Variants in MED26 observed in about 807,000 individuals in gnomAD.
MED26 encodes the protein mediator complex subunit 26, also known as mediator of RNA polymerase II transcription subunit 26.
In MED26, 7 loss-of-function variants were observed where a neutral mutation model predicts 43.7. That is an observed-to-expected ratio of 0.16 (90% CI 0.09 to 0.30). The LOEUF (loss-of-function observed/expected upper bound fraction) is 0.30, where lower values mean the gene tolerates loss of function less well. Ranked by LOEUF, MED26 falls within the 10% of genes least tolerant of loss-of-function variation. The pLI is 1.00. For synonymous variants in MED26, 375 were observed against 371.1 expected, an observed-to-expected ratio of 1.01 and a Z score of -0.12; for missense variants, 784 against 840.6, an observed-to-expected ratio of 0.93 and a Z score of 0.83.
chr19:16,612,780 G>A (rs911617126), intron 1 of MED26, among the ~76,000 whole-genome samples: 1 of 152,226 alleles, frequency 6.6e-6, no homozygotes, highest in South Asian at 2.1e-4. Flanking sequence ...CCAAGGAAGA[G>A]GCTCTGGACC....
intron 1 of MED26, among the ~76,000 whole-genome samples, chr19:16,598,272 G>C (rs1417808483): frequency 1.3e-5 from 2 of 149,354 alleles, no homozygotes; most frequent in Non-Finnish European, 3.0e-5. Flanking sequence ...GGGAGGCGCA[G>C]GCTGCAGTGA....
chr19:16,608,749 A>G (rs1016833218), intron 1 of MED26, among the ~76,000 whole-genome samples: 2 of 152,246 alleles, frequency 1.3e-5, no homozygotes, highest in African/African-American at 4.8e-5. Flanking sequence ...TGTGCTACAA[A>G]GATAGCAGTA....
At position 16,577,156 on chromosome 19, in the gene MED26, G is replaced by A; in HGVS notation, c.674C>T (p.Ala225Val). 1 of 1,613,344 alleles carries A rather than the reference G, an allele frequency of 6.2e-7. No individual in the cohort carries two copies. The highest frequency in any genetic ancestry group is 8.5e-7 in the Non-Finnish European group (1 of 1,179,930). Residue 225 changes from alanine (A) to valine (V), a missense_variant, in exon 3 of 3, where the codon GCC becomes GTC. Coordinates refer to ENST00000263390, the MANE Select transcript of MED26 (RefSeq NM_004831.5). This position sits in a 1 kb window ranked among gnomAD's most constrained non-coding sequence, Gnocchi z 8.1. ...DKHSGKIPVN[A>V]VRPHTSSPGL... ...CGGGGAGCTGGTGTGCGGTCGCACG[G>A]CGTTGACGGGGATCTTGCCACTGTG...
chr19:16,602,724 G>T (rs1323035932), intron 1 of MED26, among the ~76,000 whole-genome samples: 2 of 152,216 alleles, frequency 1.3e-5, no homozygotes, highest in African/African-American at 4.8e-5. Context: ...AAGACATTAT[G>T]CTGAGGGAAA....
At chr19:16,613,529 C>T (rs908639879) in intron 1 of MED26, among the ~76,000 whole-genome samples, 2 of 152,158 alleles carry the variant, frequency 1.3e-5, no homozygotes, top group Non-Finnish European at 2.9e-5. Context: ...AGGCGCTTGA[C>T]GGGCACTGTC....
rs1451305718 is a variant in MED26 at position 16,576,249 on chromosome 19, C to T, written c.1581G>A (p.Gln527=). ...QEESTRQGAR[Q]LHVLVPQSPP... Reference sequence around the variant, plus strand: ...GGCTTTGAGGCACCAGCACATGCAGCTGCCTGGCCCCTTGCCGGGTGCTCT... The same window carrying T: ...GGCTTTGAGGCACCAGCACATGCAGTTGCCTGGCCCCTTGCCGGGTGCTCT... Residue 527 remains glutamine, a synonymous_variant, in exon 3 of 3, where the codon CAG becomes CAA. Transcript: ENST00000263390. The surrounding 1 kb of genome is among the most constrained non-coding windows in gnomAD (Gnocchi z 6.8). 2.4e-5 allele frequency: 38 copies of T among 1,611,218 alleles called. No homozygotes were observed. The highest frequency in any genetic ancestry group is 3.0e-5 in the Non-Finnish European group (35 of 1,180,012).
At chr19:16,589,733 T>C (rs1158419644) in intron 1 of MED26, among the ~76,000 whole-genome samples, 1 of 152,212 alleles carries the variant, frequency 6.6e-6, no homozygotes, top group Non-Finnish European at 1.5e-5. Context: ...TTGGGACTTG[T>C]ACACTTTTCT....
At chr19:16,596,960 C>T (rs2086122699) in intron 1 of MED26, among the ~76,000 whole-genome samples, 1 of 152,236 alleles carries the variant, frequency 6.6e-6, no homozygotes, top group Non-Finnish European at 1.5e-5. Flanking sequence ...TCCAACCTCA[C>T]AAGAAGACCA....
At chr19:16,589,254 C>G (rs578204788) in intron 1 of MED26, 3 of 152,356 alleles carry the variant, frequency 2.0e-5, no homozygotes, top group Admixed American at 2.0e-4. Flanking sequence ...AGTCTGGTGA[C>G]TCTGTGGATC....
chr19:16,578,227 C>A, intron 2 of MED26, 108 bp downstream of exon 2: 1 of 1,065,316 alleles, frequency 9.4e-7, no homozygotes, highest in South Asian at 1.3e-5. Flanking sequence ...TCTCTTGGTC[C>A]TCCGAAGCAA....
chr19:16,619,500 A>C (rs533842442), intron 1 of MED26, among the ~76,000 whole-genome samples: 25 of 152,374 alleles, frequency 1.6e-4, no homozygotes, highest in African/African-American at 6.0e-4. Flanking sequence ...AGGGGATAAG[A>C]ACTTAAACCC....
At chr19:16,605,138 CAAAATGT>C (rs1171715266) in intron 1 of MED26, among the ~76,000 whole-genome samples, 1 of 152,156 alleles carries the variant, frequency 6.6e-6, no homozygotes, top group Non-Finnish European at 1.5e-5. Flanking sequence ...AAAAATGCAT[CAAAATGT>C]AGCGTAGAGC....
Position 16,601,445 on chromosome 19 carries a change from G to A in MED26, c.73-23036C>T, listed in dbSNP as rs896733391. Among the ~76,000 whole-genome samples, 8 of 152,138 alleles carry A rather than the reference G, an allele frequency of 5.3e-5. No homozygotes were observed. The East Asian group carries it at 5.8e-4, about 11-fold the overall frequency. On this transcript the variant is annotated intron_variant, in intron 1 of 2. Coordinates refer to ENST00000263390, the MANE Select transcript of MED26 (RefSeq NM_004831.5). Reference sequence around the variant, plus strand: ...GTTGGGATTACAGGTGTGTGCCACCGCGCCCGGCCTAAGTACTGGCTCTTT... The same window carrying A: ...GTTGGGATTACAGGTGTGTGCCACCACGCCCGGCCTAAGTACTGGCTCTTT...
intron 1 of MED26, among the ~76,000 whole-genome samples, chr19:16,624,069 G>A (rs1334654847): frequency 1.3e-5 from 2 of 151,364 alleles, no homozygotes; most frequent in Non-Finnish European, 2.9e-5. Context: ...TTAGAATTTT[G>A]TTAGTTGAGA....
chr19:16,578,070 G>A, intron 2 of MED26: 1 of 530,910 alleles, frequency 1.9e-6, no homozygotes, highest in Non-Finnish European at 3.3e-6. Flanking sequence ...GCCTCTCACT[G>A]GAGCCTCCTC....
chr19:16,596,545 C>A (rs539232725), intron 1 of MED26, among the ~76,000 whole-genome samples: 18 of 152,364 alleles, frequency 1.2e-4, no homozygotes, highest in Admixed American at 4.6e-4. Flanking sequence ...CACGCTGCCA[C>A]ACCCAGCTCT....
At position 16,575,472 on chromosome 19, in the gene MED26, G is replaced by C. The variant is rs2085988661; in HGVS notation, c.*555C>G. 1 of 153,482 alleles carries C rather than the reference G, an allele frequency of 6.5e-6. No individual in the cohort carries two copies. The highest frequency in any genetic ancestry group is 2.4e-5 in the African/African-American group (1 of 41,458). The allele number at this position is 153,482 out of a possible 1,614,324, so 9.5% of individuals were successfully genotyped here. A position where few individuals can be genotyped will look rare whatever the true frequency, so the allele number is the denominator to read the frequency against. ...TGCCCAATGCCAGTGGCTCACCACAGCTGAGAAGCTTCTGGCACATGACAG... is the reference window on the plus strand; with the variant it reads ...TGCCCAATGCCAGTGGCTCACCACACCTGAGAAGCTTCTGGCACATGACAG... On this transcript the variant is annotated 3_prime_UTR_variant, in exon 3 of 3. Transcript: ENST00000263390.
At chr19:16,589,875 G>A (rs1407258307) in intron 1 of MED26, among the ~76,000 whole-genome samples, 1 of 152,232 alleles carries the variant, frequency 6.6e-6, no homozygotes, top group African/African-American at 2.4e-5. Flanking sequence ...TGGAGGAGGG[G>A]GAGGTGTTGG....
chr19:16,622,352 G>A (rs908561564), intron 1 of MED26, among the ~76,000 whole-genome samples: 33 of 152,168 alleles, frequency 2.2e-4, no homozygotes, highest in African/African-American at 7.5e-4. Context: ...CAGGGGCTGA[G>A]CATCTTCAGG....
Sources: allele counts gnomAD v4.1 joint callset (sites outside exome capture counted in the v4.1 genomes callset), GRCh38; gene constraint gnomAD v4.1.1; non-coding constraint Gnocchi (gnomAD v3.1); transcripts MANE v1.5; gene names NCBI Gene and HGNC (gene_info 2026-07-23, HGNC 2026-07-21).